Variants in TPX2 observed in about 807,000 individuals in gnomAD.
TPX2 encodes targeting protein for Xklp2.
TPX2 carries 21 observed loss-of-function variants against 93.6 expected under a neutral mutation model. The ratio of observed to expected loss-of-function variants is 0.22; its 90% CI spans 0.16 to 0.32. The LOEUF (loss-of-function observed/expected upper bound fraction) is 0.32, where lower values mean the gene tolerates loss of function less well. Ranked by LOEUF, TPX2 falls within the 10% of genes least tolerant of loss-of-function variation. The probability of loss-of-function intolerance (pLI) is 1.00; values close to 1 mark genes in which losing one functional copy is unlikely to be tolerated. For synonymous variants in TPX2, 281 were observed against 298.3 expected (o/e 0.94, Z 0.60); for missense variants, 776 against 871.1 (o/e 0.89, Z 1.37).
chr20:31,743,843 CA>C, intron 2 of TPX2, among the ~76,000 whole-genome samples: 1 of 151,508 alleles, frequency 6.6e-6, no homozygotes. Flanking sequence ...TCTCCTGTCT[CA>C]GCCTCCCGAG....
intron 15 of TPX2, among the ~76,000 whole-genome samples, chr20:31,794,782 G>GTGTGTGTA (rs750591597): frequency 9.9e-5 from 15 of 151,800 alleles, no homozygotes; most frequent in Non-Finnish European, 1.8e-4. Flanking sequence ...GTGTGTGTGT[G>GTGTGTGTA]TGTGTGTGTA....
chr20:31,792,683 G>A (rs1172655721), intron 12 of TPX2, 52 bp from the exon 13 acceptor site: 1 of 1,490,480 alleles, frequency 6.7e-7, no homozygotes, highest in Non-Finnish European at 9.4e-7. Flanking sequence ...TTCTCATACA[G>A]CTTAGTGGAG....
chr20:31,741,671 G>A (rs2061754046), intron 1 of TPX2, among the ~76,000 whole-genome samples: 1 of 152,130 alleles, frequency 6.6e-6, no homozygotes. Flanking sequence ...AATAGAGATG[G>A]GGTTTCACCA....
chr20:31,757,603 G>C (rs2061860198), intron 3 of TPX2, 21 bp downstream of exon 3: 1 of 1,597,272 alleles, frequency 6.3e-7, no homozygotes, highest in African/African-American at 1.3e-5. Context: ...GCTTTCTCTG[G>C]CTATTTTAAG....
intron 12 of TPX2, 21 bp from the exon 13 acceptor site, chr20:31,792,714 T>G: frequency 9.4e-6 from 15 of 1,596,002 alleles, no homozygotes; most frequent in Non-Finnish European, 1.3e-5. Context: ...GATATCTAAT[T>G]GAGTTGCTTA....
At chr20:31,800,891 C>A in intron 17 of TPX2, 79 bp from the exon 18 acceptor site, 2 of 1,253,732 alleles carry the variant, frequency 1.6e-6, no homozygotes, top group Non-Finnish European at 2.3e-6. Flanking sequence ...AACATTTTCT[C>A]AAAAAGAAAA....
At chr20:31,780,013 A>G (rs2062023429) in intron 10 of TPX2, among the ~76,000 whole-genome samples, 1 of 152,144 alleles carries the variant, frequency 6.6e-6, no homozygotes, top group South Asian at 2.1e-4. Flanking sequence ...TGGTTGTTTT[A>G]CCTTTGAGGA....
intron 4 of TPX2, among the ~76,000 whole-genome samples, chr20:31,765,662 T>A (rs996776151): frequency 6.6e-6 from 1 of 152,190 alleles, no homozygotes; most frequent in Non-Finnish European, 1.5e-5. Flanking sequence ...TTTACAATGT[T>A]ATGATTATAT....
intron 4 of TPX2, among the ~76,000 whole-genome samples, chr20:31,764,459 T>TAA (rs1319592408): frequency 2.6e-4 from 39 of 152,294 alleles, no homozygotes; most frequent in African/African-American, 9.4e-4. Flanking sequence ...TGAGCCACTG[T>TAA]GCCTGGCCCC....
intron 15 of TPX2, among the ~76,000 whole-genome samples, chr20:31,795,890 A>G (rs1014285128): frequency 2.6e-5 from 4 of 152,216 alleles, no homozygotes; most frequent in African/African-American, 9.6e-5. Flanking sequence ...GTCATCATTA[A>G]TCTTGGATTC....
Position 31,757,397 on chromosome 20 carries a change from C to T in TPX2, c.-70-10C>T. On this transcript the variant is annotated splice_polypyrimidine_tract_variant and intron_variant, in intron 2 of 17. Transcript: ENST00000300403. ...TACTTAGATTTATGTGCAACCATTTCTTTCCTCAGAAGGTGACCTGCTGAG... is the reference window on the plus strand; with the variant it reads ...TACTTAGATTTATGTGCAACCATTTTTTTCCTCAGAAGGTGACCTGCTGAG... 8.7e-7 allele frequency: 1 copy of T among 1,147,154 alleles called. No homozygotes were observed. The highest frequency in any genetic ancestry group is 1.4e-5 in the South Asian group (1 of 73,172). 71.1% of individuals were successfully genotyped at this position (1,147,154 alleles called of 1,614,324 possible). A position where few individuals can be genotyped will look rare whatever the true frequency, so the allele number is the denominator to read the frequency against.
rs746496077 is a variant in TPX2 at position 31,777,619 on chromosome 20, G to T, written c.863G>T (p.Arg288Leu). Residue 288 changes from arginine (R) to leucine (L), a missense_variant, in exon 9 of 18, where the codon CGA becomes CTA. Physicochemically the swap from Arg to Leu is moderately radical, Grantham distance 102. Transcript: ENST00000300403. ...GAAGTGAACTTTACATCTGAACTAC[G>T]AAAGCATCCTTCATCTCCTGTAAGT... is the stretch of plus-strand genomic sequence containing the variant. The part of the protein sequence containing the change: ...YKEVNFTSEL[R>L]KHPSSPARVT... The T allele has an allele frequency of 1.9e-6, 3 of 1,613,794 alleles. No individual in the cohort carries two copies. In the Admixed American group the frequency reaches 5.0e-5, roughly 27 times the overall value.
At chr20:31,776,134 G>A (rs1283059058) in intron 8 of TPX2, 146 bp downstream of exon 8, 3 of 827,392 alleles carry the variant, frequency 3.6e-6, no homozygotes, top group Non-Finnish European at 3.0e-6. Context: ...ACTGCGGACT[G>A]CAGTGGCGCA....
rs374525635 is a variant in TPX2 at position 31,771,688 on chromosome 20, T to A, written c.608+6T>A. 1.3e-6 allele frequency: 2 copies of A among 1,596,652 alleles called. No individual in the cohort carries two copies. Among genetic ancestry groups the A allele is most frequent in the South Asian group, 2.3e-5 (2 of 87,334 alleles). On this transcript the variant is annotated splice_donor_region_variant and intron_variant, in intron 7 of 17. Transcript: ENST00000300403. ...CCTTGTATGCCACCTGCAAAGTAAG[T>A]TTCTTTCCTGAATTTAAACTTTAGA... is the stretch of plus-strand genomic sequence containing the variant.
intron 1 of TPX2, among the ~76,000 whole-genome samples, chr20:31,741,337 A>G (rs2061751902): frequency 1.4e-5 from 2 of 146,494 alleles, no homozygotes; most frequent in South Asian, 2.3e-4. Flanking sequence ...TTTGAGACGG[A>G]GTCTCACTCT....
intron 12 of TPX2, among the ~76,000 whole-genome samples, chr20:31,786,147 C>T (rs939630171): frequency 3.3e-5 from 5 of 152,092 alleles, no homozygotes; most frequent in African/African-American, 1.2e-4. Flanking sequence ...ACTGTAGGTA[C>T]TTAATCCATT....
At chr20:31,764,146 G>GTGTACATACATGTACACATACATGTATA (rs1568926134) in intron 4 of TPX2, among the ~76,000 whole-genome samples, 5 of 149,024 alleles carry the variant, frequency 3.4e-5, no homozygotes, top group Non-Finnish European at 7.5e-5. Context: ...ATACATGTAT[G>GTGTACATACATGTACACATACATGTATA]TGTACATACA....
At chr20:31,774,151 G>A (rs991992796) in intron 7 of TPX2, among the ~76,000 whole-genome samples, 3 of 152,150 alleles carry the variant, frequency 2.0e-5, no homozygotes, top group African/African-American at 7.2e-5. Context: ...TTACAGGCAT[G>A]AGCCACCGCG....
intron 12 of TPX2, 78 bp downstream of exon 12, chr20:31,783,999 G>C: frequency 6.7e-7 from 1 of 1,489,038 alleles, no homozygotes; most frequent in Non-Finnish European, 9.2e-7. Flanking sequence ...AAAAGTTTGG[G>C]TAGATATTAT....
Sources: gnomAD v4.1 joint callset for allele counts (sites outside exome capture counted in the v4.1 genomes callset) on GRCh38, gnomAD v4.1.1 for gene constraint, MANE v1.5 for transcripts, NCBI Gene and HGNC (gene_info 2026-07-23, HGNC 2026-07-21) for gene names.